Variants in RNGTT observed in about 807,000 individuals in gnomAD.
RNGTT encodes RNA guanylyltransferase and 5'-phosphatase, also known as mRNA-capping enzyme.
Under a neutral mutation model 79.3 loss-of-function variants are expected in RNGTT, and 33 were observed. The observed-to-expected ratio is 0.42, with a 90% CI of 0.32 to 0.56. The LOEUF (loss-of-function observed/expected upper bound fraction) is 0.56. Ranked by LOEUF, RNGTT falls within the 20% of genes least tolerant of loss-of-function variation. The probability of loss-of-function intolerance (pLI) is 0.17; values close to 1 mark genes in which losing one functional copy is unlikely to be tolerated. For missense variants in RNGTT, 497 were observed against 739.1 expected (o/e 0.67, Z 3.80); for synonymous variants, 222 against 235.9 (o/e 0.94, Z 0.54).
intron 8 of RNGTT, among the ~76,000 whole-genome samples, chr6:88,875,580 C>T (rs939038618): frequency 1.3e-5 from 2 of 152,190 alleles, no homozygotes; most frequent in Non-Finnish European, 2.9e-5. Context: ...ATTCAAATCT[C>T]AGTCCTGCTA....
chr6:88,853,714 T>A lies in RNGTT; in HGVS notation c.947A>T (p.Asp316Val), dbSNP rs778106411. ...GTNEVFMIDR[D>V]NSVFHVSNLE... The stretch of plus-strand genomic sequence containing the variant: ...ATTTGAAACATGAAATACTGAATTG[T>A]CTCTATCAATCATAAAAACTTCATT... The change falls in exon 9 of 16, where the codon GAC (aspartate) becomes GTC (valine). Residue 316 changes from aspartate to valine, a missense_variant. This residue lies in a region of RNGTT where 440 missense variants were observed against 671.5 expected (regional missense o/e 0.66). Coordinates refer to ENST00000369485, the MANE Select transcript of RNGTT (RefSeq NM_003800.5). The A allele has an allele frequency of 1.9e-6, 3 of 1,577,368 alleles. No individual in the cohort carries two copies. The highest frequency in any genetic ancestry group is 2.6e-6 in the Non-Finnish European group (3 of 1,155,064).
At chr6:88,814,485 A>G (rs1436555876) in intron 11 of RNGTT, among the ~76,000 whole-genome samples, 2 of 152,196 alleles carry the variant, frequency 1.3e-5, no homozygotes, top group African/African-American at 4.8e-5. Flanking sequence ...TCTCCTGAAT[A>G]TGTCTATAAT....
chr6:88,951,849 G>C (rs768024488), intron 1 of RNGTT, among the ~76,000 whole-genome samples: 3 of 152,156 alleles, frequency 2.0e-5, no homozygotes, highest in Non-Finnish European at 4.4e-5. Context: ...GCAGAATTAG[G>C]GAGGGTCATG....
intron 1 of RNGTT, among the ~76,000 whole-genome samples, chr6:88,955,462 A>C (rs1435398573): frequency 6.6e-6 from 1 of 151,212 alleles, no homozygotes; most frequent in Non-Finnish European, 1.5e-5. Flanking sequence ...AGGCAGCAGA[A>C]TCGCTTGAAC....
At chr6:88,686,582 C>A (rs547810118) in intron 13 of RNGTT, among the ~76,000 whole-genome samples, 1 of 151,978 alleles carries the variant, frequency 6.6e-6, no homozygotes, top group African/African-American at 2.4e-5. Context: ...CAAACAAGTA[C>A]GTCAGTAGAA....
chr6:88,722,540 G>A (rs1271982157), intron 13 of RNGTT, among the ~76,000 whole-genome samples: 3 of 152,158 alleles, frequency 2.0e-5, no homozygotes, highest in African/African-American at 4.8e-5. Context: ...ATAATAAATG[G>A]TAAGAACACT....
intron 14 of RNGTT, among the ~76,000 whole-genome samples, chr6:88,631,383 G>T (rs191672213): frequency 1.3e-5 from 2 of 152,330 alleles, no homozygotes; most frequent in East Asian, 1.9e-4. Flanking sequence ...CAAAGGGGTT[G>T]AGACTGCAGA....
chr6:88,902,053 T>C (rs1319025118), intron 6 of RNGTT, among the ~76,000 whole-genome samples: 1 of 152,106 alleles, frequency 6.6e-6, no homozygotes, highest in Admixed American at 6.5e-5. Context: ...CCGGGCATGG[T>C]GGCACACACC....
At chr6:88,702,194 C>A (rs1775970780) in intron 13 of RNGTT, among the ~76,000 whole-genome samples, 2 of 152,030 alleles carry the variant, frequency 1.3e-5, no homozygotes, top group African/African-American at 4.8e-5. Context: ...TCATTTTTCA[C>A]AGAATTAGAA....
At chr6:88,951,407 T>C (rs1785244411) in intron 1 of RNGTT, among the ~76,000 whole-genome samples, 1 of 152,160 alleles carries the variant, frequency 6.6e-6, no homozygotes, top group Non-Finnish European at 1.5e-5. Flanking sequence ...AAGAAAGTTC[T>C]ACCATGGCTA....
chr6:88,821,806 C>A, intron 11 of RNGTT, among the ~76,000 whole-genome samples: 1 of 150,290 alleles, frequency 6.7e-6, no homozygotes, highest in Non-Finnish European at 1.5e-5. Flanking sequence ...TTTAATATTC[C>A]TCTCTTACCT....
intron 8 of RNGTT, among the ~76,000 whole-genome samples, chr6:88,856,971 T>C (rs1389077495): frequency 6.6e-6 from 1 of 152,152 alleles, no homozygotes; most frequent in Non-Finnish European, 1.5e-5. Flanking sequence ...ATTATATTCA[T>C]TCATTCCCAT....
At chr6:88,729,365 T>A (rs964308824) in intron 13 of RNGTT, among the ~76,000 whole-genome samples, 12 of 146,726 alleles carry the variant, frequency 8.2e-5, no homozygotes, top group Non-Finnish European at 1.2e-4. Flanking sequence ...CCTTTTACCC[T>A]GGCATTTCAT....
chr6:88,643,889 A>C (rs1773424232), intron 14 of RNGTT, among the ~76,000 whole-genome samples: 1 of 152,248 alleles, frequency 6.6e-6, no homozygotes, highest in African/African-American at 2.4e-5. Flanking sequence ...AAATGCCCAC[A>C]AGAGAAAGCA....
chr6:88,845,275 A>G (rs1358920540), intron 10 of RNGTT, among the ~76,000 whole-genome samples: 1 of 152,208 alleles, frequency 6.6e-6, no homozygotes, highest in Non-Finnish European at 1.5e-5. Context: ...AGAAGTTTAC[A>G]TAATATGTTC....
intron 12 of RNGTT, among the ~76,000 whole-genome samples, chr6:88,797,552 G>A (rs7450496): frequency 0.13 from 19,338 of 151,984 alleles, 1,409 homozygotes; most frequent in Middle Eastern, 0.23. Context: ...ATGAAAAATG[G>A]ACCTTATATA....
intron 13 of RNGTT, among the ~76,000 whole-genome samples, chr6:88,724,697 T>A (rs1441495819): frequency 6.6e-6 from 1 of 152,192 alleles, no homozygotes; most frequent in Non-Finnish European, 1.5e-5. Context: ...AGTTCTAAAT[T>A]TCTTTTCAAA....
intron 12 of RNGTT, among the ~76,000 whole-genome samples, chr6:88,779,452 T>C (rs1257993805): frequency 1.3e-5 from 2 of 152,208 alleles, no homozygotes; most frequent in African/African-American, 4.8e-5. Context: ...AGCTTTAATA[T>C]GTAATTTTAT....
chr6:88,778,031 G>T (rs1193086499), intron 12 of RNGTT, among the ~76,000 whole-genome samples: 1 of 152,124 alleles, frequency 6.6e-6, no homozygotes, highest in Non-Finnish European at 1.5e-5. Flanking sequence ...TGCTTTGTAT[G>T]AATCTGTGGA....
Sources: gnomAD v4.1 joint callset for allele counts (sites outside exome capture counted in the v4.1 genomes callset) on GRCh38, gnomAD v4.1.1 for gene constraint, gnomAD v4.1.1 regional missense constraint, MANE v1.5 for transcripts, NCBI Gene and HGNC (gene_info 2026-07-23, HGNC 2026-07-21) for gene names.